RBFOX2: variants seen among roughly 807,000 people sequenced by gnomAD.
RBFOX2 encodes RNA binding fox-1 homolog 2.
Under a neutral mutation model 49.1 loss-of-function variants are expected in RBFOX2, and 10 were observed. The observed-to-expected ratio is 0.20, with a 90% CI of 0.13 to 0.35. The LOEUF is 0.35. Ranked by LOEUF, RBFOX2 falls within the 10% of genes least tolerant of loss-of-function variation. RBFOX2 has a pLI of 1.00. For missense variants in RBFOX2, 323 were observed against 486.9 expected (o/e 0.66, Z 3.17); for synonymous variants, 183 against 187.4 (o/e 0.98, Z 0.19).
chr22:35,906,420 T>C (rs1211822752), intron 1 of RBFOX2, among the ~76,000 whole-genome samples: 2 of 152,176 alleles, frequency 1.3e-5, no homozygotes, highest in Non-Finnish European at 2.9e-5. Flanking sequence ...ATGTATAATC[T>C]AATGACTTAC....
At chr22:35,791,322 T>C (rs1260102332) in intron 2 of RBFOX2, among the ~76,000 whole-genome samples, 2 of 150,452 alleles carry the variant, frequency 1.3e-5, no homozygotes, top group East Asian at 2.0e-4. Flanking sequence ...GAGATGGAGG[T>C]TGCAGTGAGC....
chr22:35,893,042 T>G (rs533658659), intron 1 of RBFOX2, among the ~76,000 whole-genome samples: 1 of 152,384 alleles, frequency 6.6e-6, no homozygotes, highest in Admixed American at 6.5e-5. Context: ...GGCATTGGGC[T>G]AGATGACACA....
At chr22:35,793,743 G>C (rs1162994341) in intron 2 of RBFOX2, among the ~76,000 whole-genome samples, 1 of 152,136 alleles carries the variant, frequency 6.6e-6, no homozygotes, top group Non-Finnish European at 1.5e-5. Context: ...CATTTCTTCT[G>C]TGCATTTGAA....
intron 1 of RBFOX2, among the ~76,000 whole-genome samples, chr22:35,871,217 A>G (rs966737023): frequency 6.6e-6 from 1 of 152,220 alleles, no homozygotes; most frequent in Non-Finnish European, 1.5e-5. Flanking sequence ...TCCAAGACCT[A>G]TGCTCTAAAA....
chr22:35,865,835 T>C (rs1243773905), intron 1 of RBFOX2, among the ~76,000 whole-genome samples: 2 of 152,182 alleles, frequency 1.3e-5, no homozygotes, highest in Admixed American at 6.5e-5. Flanking sequence ...TTCCAGAGTT[T>C]CAGATAAAGG....
chr22:35,881,573 C>T (rs2045901168), intron 1 of RBFOX2, among the ~76,000 whole-genome samples: 1 of 150,296 alleles, frequency 6.7e-6, no homozygotes, highest in Non-Finnish European at 1.5e-5. Context: ...CAGAATGAGA[C>T]TCTGTCTCCA....
chr22:36,027,529 T>C (rs148180762), intron 1 of RBFOX2, among the ~76,000 whole-genome samples: 2 of 152,332 alleles, frequency 1.3e-5, no homozygotes, highest in East Asian at 3.9e-4. Context: ...ATTTTTTTTA[T>C]AGCCCGGGAC....
intron 1 of RBFOX2, among the ~76,000 whole-genome samples, chr22:35,829,612 G>A (rs1238981513): frequency 6.6e-6 from 1 of 152,120 alleles, no homozygotes; most frequent in East Asian, 1.9e-4. Context: ...AGTGAGCCTT[G>A]AAAATGACAT....
rs371362468 is a variant in RBFOX2 at position 35,813,601 on chromosome 22, CT to C, written c.28-3598del. Reference sequence around the variant, plus strand: ...TCTTATAACATTTAGCTTGCATCCCCTATAAGACATTGAAATCTAAAGCCTC... The same window carrying C: ...TCTTATAACATTTAGCTTGCATCCCCATAAGACATTGAAATCTAAAGCCTC... On this transcript the variant is annotated intron_variant, in intron 1 of 11. Transcript: ENST00000405409. Among the ~76,000 whole-genome samples, 219 of 152,256 alleles carry C rather than the reference CT, an allele frequency of 1.4e-3. 2 individuals are homozygous for C. Among genetic ancestry groups the C allele is most frequent in the African/African-American group, 4.8e-3 (201 of 41,542 alleles).
chr22:36,015,798 T>C (rs1292586396), intron 1 of RBFOX2, among the ~76,000 whole-genome samples: 1 of 152,194 alleles, frequency 6.6e-6, no homozygotes, highest in East Asian at 1.9e-4. Context: ...TCCTGCCTTT[T>C]ACCCGAAATT....
intron 1 of RBFOX2, among the ~76,000 whole-genome samples, chr22:35,848,165 C>T (rs2041458362): frequency 6.6e-6 from 1 of 152,050 alleles, no homozygotes; most frequent in Non-Finnish European, 1.5e-5. Flanking sequence ...ATTTACTGTT[C>T]ACAGATGTTT....
At chr22:35,773,851 AAAGT>A (rs1943277601) in intron 4 of RBFOX2, among the ~76,000 whole-genome samples, 1 of 152,116 alleles carries the variant, frequency 6.6e-6, no homozygotes, top group African/African-American at 2.4e-5. Flanking sequence ...AAGATGGTAG[AAAGT>A]CTGACCCACA....
chr22:35,772,242 ATT>A (rs1348581343), intron 4 of RBFOX2, among the ~76,000 whole-genome samples: 3 of 152,150 alleles, frequency 2.0e-5, no homozygotes, highest in Non-Finnish European at 2.9e-5. Flanking sequence ...TTAAAAAATG[ATT>A]TTGACATGTT....
At chr22:35,763,224 T>G in intron 6 of RBFOX2, among the ~76,000 whole-genome samples, 1 of 152,146 alleles carries the variant, frequency 6.6e-6, no homozygotes, top group African/African-American at 2.4e-5. Context: ...AAAATAACCT[T>G]TTTCTTTCCT....
chr22:35,906,959 T>G (rs2049191255), intron 1 of RBFOX2, among the ~76,000 whole-genome samples: 1 of 152,218 alleles, frequency 6.6e-6, no homozygotes. Context: ...AATCTTGTAT[T>G]ATTTAGCTTT....
chr22:35,933,953 T>TATACATAC (rs1009021083), intron 1 of RBFOX2, among the ~76,000 whole-genome samples: 1 of 141,072 alleles, frequency 7.1e-6, no homozygotes, highest in African/African-American at 2.8e-5. Context: ...TATATATATA[T>TATACATAC]ACACACATCA....
chr22:35,865,004 T>A (rs2043504490), intron 1 of RBFOX2, among the ~76,000 whole-genome samples: 1 of 152,236 alleles, frequency 6.6e-6, no homozygotes, highest in African/African-American at 2.4e-5. Context: ...ACTGATGTCA[T>A]CCTTGCAATA....
At chr22:35,931,113 A>C (rs2052343681) in intron 1 of RBFOX2, among the ~76,000 whole-genome samples, 1 of 152,168 alleles carries the variant, frequency 6.6e-6, no homozygotes, top group African/African-American at 2.4e-5. Context: ...CCAGACCTTC[A>C]TCCACTAGAG....
At chr22:35,985,899 GATGGATAGATA>G (rs1569518816) in intron 1 of RBFOX2, among the ~76,000 whole-genome samples, 6 of 131,364 alleles carry the variant, frequency 4.6e-5, no homozygotes, top group South Asian at 2.5e-4. Context: ...TAGATAGATA[GATGGATAGATA>G]GATAGATAGA....
Sources: allele counts gnomAD v4.1 joint callset (sites outside exome capture counted in the v4.1 genomes callset), GRCh38; gene constraint gnomAD v4.1.1; transcripts MANE v1.5; gene names NCBI Gene and HGNC (gene_info 2026-07-23, HGNC 2026-07-21).